The following SERGEF variants were observed in gnomAD, a reference collection of about 807,000 sequenced individuals.
SERGEF encodes the protein secretion-regulating guanine nucleotide exchange factor.
A neutral mutation model predicts 50.0 loss-of-function variants in SERGEF; 51 were observed. The ratio of observed to expected loss-of-function variants is 1.02; its 90% confidence interval spans 0.81 to 1.29. The LOEUF (loss-of-function observed/expected upper bound fraction) is 1.29. SERGEF is among the 50% of genes most tolerant of loss of function. The pLI is 0.00. For synonymous variants in SERGEF, 205 were observed against 212.4 expected, an observed-to-expected ratio of 0.97 and a Z score of 0.30; for missense variants, 521 against 557.0, an observed-to-expected ratio of 0.94 and a Z score of 0.65.
intron 7 of SERGEF, among the ~76,000 whole-genome samples, chr11:17,990,242 C>A (rs1203965986): frequency 6.6e-6 from 1 of 152,232 alleles, no homozygotes; most frequent in Non-Finnish European, 1.5e-5. Flanking sequence ...TACCCGATCA[C>A]TGTTTGACAC....
At chr11:17,853,571 C>T (rs1189283698) in intron 10 of SERGEF, 1 of 152,204 alleles carries the variant, frequency 6.6e-6, no homozygotes, top group African/African-American at 2.4e-5. Context: ...ACAACTCCAT[C>T]TGGTTTTTCC....
At chr11:17,998,868 A>G (rs1200582955) in intron 5 of SERGEF, among the ~76,000 whole-genome samples, 1 of 151,814 alleles carries the variant, frequency 6.6e-6, no homozygotes, top group Non-Finnish European at 1.5e-5. Flanking sequence ...AATCCTGACA[A>G]CACAATAATC....
At chr11:17,825,038 T>C (rs1850166311) in intron 10 of SERGEF, among the ~76,000 whole-genome samples, 1 of 152,218 alleles carries the variant, frequency 6.6e-6, no homozygotes, top group Non-Finnish European at 1.5e-5. Context: ...GGCCTTGTTA[T>C]CTGAAAGTCC....
chr11:17,970,516 A>G (rs556300299), intron 8 of SERGEF, among the ~76,000 whole-genome samples: 26 of 152,324 alleles, frequency 1.7e-4, no homozygotes, highest in Non-Finnish European at 2.9e-4. Flanking sequence ...AGGAAGAGTC[A>G]CATATCTCTC....
chr11:17,986,598 A>G (rs1269307493), intron 8 of SERGEF, among the ~76,000 whole-genome samples: 1 of 152,250 alleles, frequency 6.6e-6, no homozygotes, highest in Non-Finnish European at 1.5e-5. Flanking sequence ...GAATCGCATC[A>G]GCTAGAATGC....
At position 17,959,743 on chromosome 11, in the gene SERGEF, C is replaced by T. The variant is rs537402797; in HGVS notation, c.845-107G>A. ...GTGACATTTATTTTAGTACCACCTA[C>T]CAGGAGCCTTCCTATCTTCCTGTAA... On this transcript the variant is annotated intron_variant, in intron 8 of 10. Coordinates refer to ENST00000265965, the MANE Select transcript of SERGEF (RefSeq NM_012139.4). 3.4e-5 allele frequency: 32 copies of T among 945,544 alleles called. No individual in the cohort carries two copies. In the South Asian group the frequency reaches 4.1e-4, roughly 12 times the overall value. 58.6% of individuals were successfully genotyped at this position (945,544 alleles called of 1,614,324 possible). A position where few individuals can be genotyped will look rare whatever the true frequency, so the allele number is the denominator to read the frequency against.
chr11:17,964,849 G>A (rs1853084026), intron 8 of SERGEF, among the ~76,000 whole-genome samples: 1 of 152,214 alleles, frequency 6.6e-6, no homozygotes. Context: ...CATGTGGACA[G>A]AGACTTTATA....
At chr11:17,857,066 C>G (rs1850834390) in intron 10 of SERGEF, among the ~76,000 whole-genome samples, 1 of 152,136 alleles carries the variant, frequency 6.6e-6, no homozygotes. Flanking sequence ...GTAGCAGAAA[C>G]TACCCAGAAA....
intron 9 of SERGEF, among the ~76,000 whole-genome samples, chr11:17,945,817 C>T (rs1442397980): frequency 6.6e-6 from 1 of 151,796 alleles, no homozygotes. Context: ...AACAAACAAA[C>T]AAACAAAATA....
chr11:17,866,084 C>T (rs985965179), intron 10 of SERGEF, among the ~76,000 whole-genome samples: 1 of 152,206 alleles, frequency 6.6e-6, no homozygotes, highest in South Asian at 2.1e-4. Context: ...AAAACTGTTG[C>T]TCTGCCTTTA....
At chr11:17,909,461 A>G (rs1851909353) in intron 9 of SERGEF, among the ~76,000 whole-genome samples, 1 of 152,208 alleles carries the variant, frequency 6.6e-6, no homozygotes, top group South Asian at 2.1e-4. Flanking sequence ...CCAGTGGGAG[A>G]TTCTGCTGGA....
intron 9 of SERGEF, among the ~76,000 whole-genome samples, chr11:17,956,603 T>C (rs1565214850): frequency 6.6e-6 from 1 of 152,238 alleles, no homozygotes; most frequent in Non-Finnish European, 1.5e-5. Context: ...TACCACAGTC[T>C]AGCTCTGTCT....
chr11:17,955,151 G>A (rs1852840229), intron 9 of SERGEF, among the ~76,000 whole-genome samples: 2 of 152,128 alleles, frequency 1.3e-5, no homozygotes. Flanking sequence ...TTCTATCTTT[G>A]CTAAACTCCT....
At chr11:17,926,661 A>C in intron 9 of SERGEF, 1 of 433,988 alleles carries the variant, frequency 2.3e-6, no homozygotes, top group South Asian at 1.7e-5. Context: ...AGGTTCAGCA[A>C]GTGTGACCCT....
chr11:17,842,358 A>C (rs1850519123), intron 10 of SERGEF, among the ~76,000 whole-genome samples: 1 of 152,156 alleles, frequency 6.6e-6, no homozygotes, highest in Non-Finnish European at 1.5e-5. Flanking sequence ...ACCTCTCCTT[A>C]TCTCTCTGGT....
Position 17,884,316 on chromosome 11 carries a change from G to C in SERGEF, c.1012-6072C>G, listed in dbSNP as rs947987805. The stretch of plus-strand genomic sequence containing the variant: ...CTGCGAGCCCTTGGCGGGCACAGCC[G>C]CCAGGGTGGGAGAAGCGTACCAGAA... On this transcript the variant is annotated intron_variant, in intron 9 of 10. Coordinates refer to ENST00000265965, the MANE Select transcript of SERGEF (RefSeq NM_012139.4). This position sits in a 1 kb window ranked among gnomAD's most constrained non-coding sequence, Gnocchi z 4.6. Among the ~76,000 whole-genome samples the C allele has an allele frequency of 2.0e-5, 3 of 152,188 alleles. No homozygotes were observed. The highest frequency in any genetic ancestry group is 4.4e-5 in the Non-Finnish European group (3 of 68,030).
chr11:18,006,830 T>C (rs1854084758), intron 2 of SERGEF, 84 bp from the exon 3 acceptor site: 4 of 1,499,166 alleles, frequency 2.7e-6, no homozygotes, highest in Non-Finnish European at 2.8e-6. Context: ...ACTAATTATT[T>C]GGACTCTCAG....
At chr11:17,800,610 C>G (rs1315339135) in intron 10 of SERGEF, among the ~76,000 whole-genome samples, 1 of 152,106 alleles carries the variant, frequency 6.6e-6, no homozygotes, top group Non-Finnish European at 1.5e-5. Flanking sequence ...AAACAACAAG[C>G]AAGTAGTCAT....
intron 10 of SERGEF, among the ~76,000 whole-genome samples, chr11:17,806,560 T>A (rs1469648113): frequency 6.6e-6 from 1 of 152,164 alleles, no homozygotes; most frequent in Admixed American, 6.5e-5. Flanking sequence ...AGATCCTAAA[T>A]TTGTAACTCC....
Sources: allele counts gnomAD v4.1 joint callset (sites outside exome capture counted in the v4.1 genomes callset), GRCh38; gene constraint gnomAD v4.1.1; non-coding constraint Gnocchi (gnomAD v3.1); transcripts MANE v1.5; gene names NCBI Gene and HGNC (gene_info 2026-07-23, HGNC 2026-07-21).